The following PLCL1 variants were observed in gnomAD, a reference collection of about 807,000 sequenced individuals.
PLCL1 encodes phospholipase C like 1 (inactive), also known as inactive phospholipase C-like protein 1.
A neutral mutation model predicts 84.4 loss-of-function variants in PLCL1; 41 were observed. The observed-to-expected ratio is 0.49, with a 90% CI of 0.38 to 0.63. The LOEUF (loss-of-function observed/expected upper bound fraction) is 0.63, where lower values mean the gene tolerates loss of function less well. Among genes scored for constraint, PLCL1 ranks in the 30% least tolerant of loss-of-function variants. PLCL1 has a pLI of 0.00. For missense variants in PLCL1, 1,206 were observed against 1,367.8 expected (o/e 0.88, Z 1.87); for synonymous variants, 490 against 488.3 (o/e 1.00, Z -0.05).
At chr2:197,969,663 CTCTCAG>C (rs562093417) in intron 1 of PLCL1, among the ~76,000 whole-genome samples, 201 of 152,312 alleles carry the variant, frequency 1.3e-3, no homozygotes, top group African/African-American at 4.3e-3. Flanking sequence ...ATATTTCCAG[CTCTCAG>C]TCTTCTGAGC....
intron 3 of PLCL1, among the ~76,000 whole-genome samples, chr2:198,093,081 A>T (rs1056961601): frequency 4.6e-5 from 7 of 152,350 alleles, no homozygotes; most frequent in African/African-American, 1.7e-4. Flanking sequence ...CTTACAGAGT[A>T]AGGCAAAACT....
chr2:198,088,838 C>G lies in PLCL1; in HGVS notation c.2716-20C>G. ...GTGTCAGGTGGTCAGAAGTGTGATT[C>G]CATGTTTTCTTCCTCACAGAATGCA... On this transcript the variant is annotated intron_variant, in intron 2 of 5. Coordinates refer to ENST00000428675, the MANE Select transcript of PLCL1 (RefSeq NM_006226.4). The G allele has an allele frequency of 6.7e-7, 1 of 1,492,050 alleles. No individual in the cohort carries two copies. The highest frequency in any genetic ancestry group is 9.4e-7 in the Non-Finnish European group (1 of 1,068,808). The allele number at this position is 1,492,050 out of a possible 1,614,324, so 92.4% of individuals were successfully genotyped here.
intron 1 of PLCL1, among the ~76,000 whole-genome samples, chr2:197,862,081 A>G (rs1225607672): frequency 6.6e-6 from 1 of 152,034 alleles, no homozygotes; most frequent in African/African-American, 2.4e-5. Flanking sequence ...CTCCTTATTG[A>G]GTAATTAAAT....
At chr2:198,008,535 TTC>T (rs1364749262) in intron 1 of PLCL1, among the ~76,000 whole-genome samples, 1 of 144,992 alleles carries the variant, frequency 6.9e-6, no homozygotes, top group Non-Finnish European at 1.5e-5. Context: ...TGACAAGATT[TTC>T]TTTTTTTTTT....
At chr2:198,047,386 G>A (rs567718478) in intron 1 of PLCL1, among the ~76,000 whole-genome samples, 18 of 152,204 alleles carry the variant, frequency 1.2e-4, no homozygotes, top group Non-Finnish European at 1.8e-4. Flanking sequence ...GTTTCATCAC[G>A]TTGGCTGGGA....
At chr2:197,999,119 A>G (rs1452059834) in intron 1 of PLCL1, among the ~76,000 whole-genome samples, 1 of 152,124 alleles carries the variant, frequency 6.6e-6, no homozygotes, top group Non-Finnish European at 1.5e-5. Context: ...CTATTCAGCT[A>G]TTTCTTCCCA....
chr2:198,107,407 C>T (rs974613095), intron 5 of PLCL1, among the ~76,000 whole-genome samples: 2 of 151,830 alleles, frequency 1.3e-5, no homozygotes, highest in African/African-American at 2.4e-5. Flanking sequence ...AATGCAGGCC[C>T]TGTGTGATTA....
rs960382736 is a variant in PLCL1, at chr2:197,849,440, T to C, written c.240+44101T>C. 6.4e-4 allele frequency among the ~76,000 whole-genome samples: 97 copies of C among 152,170 alleles called. 1 individual carries two copies. Among genetic ancestry groups the C allele is most frequent in the African/African-American group, 2.1e-3 (88 of 41,516 alleles). ...GCTTTTTTGTGTGTGCGTGCATGTGTGTGTTTGTGGGAAGTCTTAATTTTT... is the reference window on the plus strand; with the variant it reads ...GCTTTTTTGTGTGTGCGTGCATGTGCGTGTTTGTGGGAAGTCTTAATTTTT... On this transcript the variant is annotated intron_variant, in intron 1 of 5. Transcript: ENST00000428675.
At chr2:197,919,110 A>G (rs1287532332) in intron 1 of PLCL1, among the ~76,000 whole-genome samples, 1 of 152,218 alleles carries the variant, frequency 6.6e-6, no homozygotes. Context: ...ATAAATCCAA[A>G]GATCAGATAT....
At chr2:197,862,455 T>C (rs1332819079) in intron 1 of PLCL1, among the ~76,000 whole-genome samples, 1 of 152,138 alleles carries the variant, frequency 6.6e-6, no homozygotes, top group Non-Finnish European at 1.5e-5. Context: ...AGACATTTAG[T>C]TGCAAAAGAC....
At chr2:197,841,295 G>A (rs1005273524) in intron 1 of PLCL1, among the ~76,000 whole-genome samples, 1 of 152,108 alleles carries the variant, frequency 6.6e-6, no homozygotes, top group Non-Finnish European at 1.5e-5. Context: ...TTTGACAAGT[G>A]TATAATAATA....
chr2:197,877,541 A>G (rs1325620814), intron 1 of PLCL1, among the ~76,000 whole-genome samples: 1 of 152,140 alleles, frequency 6.6e-6, no homozygotes, highest in Non-Finnish European at 1.5e-5. Flanking sequence ...GAAAGGAAAA[A>G]GCACTTATGG....
At chr2:198,061,902 A>C (rs1011691701) in intron 1 of PLCL1, among the ~76,000 whole-genome samples, 1 of 152,158 alleles carries the variant, frequency 6.6e-6, no homozygotes, top group African/African-American at 2.4e-5. Flanking sequence ...CCTGGCTGCA[A>C]ATGTATTATA....
At position 198,083,914 on chromosome 2, in the gene PLCL1, C is replaced by T. The variant is rs900584070; in HGVS notation, c.397C>T (p.Arg133Cys). Reference sequence around the variant, plus strand: ...CCGGCCAAATTCTCGCATTTACAACCGTTTTTTCACTCTGGACACAGACCT... The same window carrying T: ...CCGGCCAAATTCTCGCATTTACAACTGTTTTTTCACTCTGGACACAGACCT... Reference protein sequence around the residue: ...KVRPNSRIYNRFFTLDTDLQA... With the variant: ...KVRPNSRIYNCFFTLDTDLQA... The change falls in exon 2 of 6, where the codon CGT (arginine) becomes TGT (cysteine). Residue 133 changes from arginine to cysteine, a missense_variant. Transcript: ENST00000428675. The T allele has an allele frequency of 3.7e-6, 6 of 1,613,958 alleles. No individual in the cohort carries two copies. The highest frequency in any genetic ancestry group is 2.2e-5 in the East Asian group (1 of 44,894).
At chr2:197,992,522 C>G (rs1015397965) in intron 1 of PLCL1, among the ~76,000 whole-genome samples, 1 of 152,088 alleles carries the variant, frequency 6.6e-6, no homozygotes, top group African/African-American at 2.4e-5. Flanking sequence ...CCTCAGCCTC[C>G]CAAAGTGTCG....
At chr2:197,813,579 CTTGAA>C (rs905462870) in intron 1 of PLCL1, among the ~76,000 whole-genome samples, 27 of 151,986 alleles carry the variant, frequency 1.8e-4, no homozygotes, top group African/African-American at 6.3e-4. Context: ...CTAGTAACAT[CTTGAA>C]TTGGTTTTCC....
At chr2:198,096,703 A>T (rs1022946614) in intron 3 of PLCL1, among the ~76,000 whole-genome samples, 1 of 152,188 alleles carries the variant, frequency 6.6e-6, no homozygotes, top group Admixed American at 6.5e-5. Flanking sequence ...AATCAAAACA[A>T]TCTAGAGAAC....
chr2:197,843,434 C>T (rs1687053213), intron 1 of PLCL1, among the ~76,000 whole-genome samples: 1 of 152,106 alleles, frequency 6.6e-6, no homozygotes, highest in South Asian at 2.1e-4. Context: ...TAGATATTCC[C>T]TGTGTGAGGA....
chr2:198,029,114 G>T (rs563886900), intron 1 of PLCL1, among the ~76,000 whole-genome samples: 2 of 152,278 alleles, frequency 1.3e-5, no homozygotes, highest in East Asian at 3.9e-4. Flanking sequence ...AGGTGTTCAA[G>T]AACTCTCTGA....
Sources: gnomAD v4.1 joint callset for allele counts (sites outside exome capture counted in the v4.1 genomes callset) on GRCh38, gnomAD v4.1.1 for gene constraint, MANE v1.5 for transcripts, NCBI Gene and HGNC (gene_info 2026-07-23, HGNC 2026-07-21) for gene names.